The following CUBN variants were observed in gnomAD, a reference collection of about 807,000 sequenced individuals.
CUBN encodes 460 kDa receptor.
CUBN carries 282 observed loss-of-function variants against 405.3 expected under a neutral mutation model. The observed-to-expected ratio is 0.70, with a 90% CI of 0.63 to 0.77. The LOEUF is 0.77. CUBN is among the 30% of genes least tolerant of loss of function. CUBN has a pLI of 0.00. For missense variants in CUBN, 4,514 were observed against 4,475.2 expected, an observed-to-expected ratio of 1.01 and a Z score of -0.25; for synonymous variants, 1,684 against 1,617.0, an observed-to-expected ratio of 1.04 and a Z score of -0.99.
intron 14 of CUBN, among the ~76,000 whole-genome samples, chr10:17,091,322 G>A (rs780451848): frequency 1.4e-4 from 22 of 151,890 alleles, no homozygotes; most frequent in African/African-American, 3.6e-4. Context: ...TACAGATATC[G>A]AAAACAAAAC....
intron 22 of CUBN, among the ~76,000 whole-genome samples, chr10:17,053,066 G>A (rs1269151735): frequency 6.6e-6 from 1 of 151,234 alleles, no homozygotes; most frequent in Non-Finnish European, 1.5e-5. Context: ...TAGACCTAAT[G>A]TAAAAATACA....
At chr10:16,945,001 A>T (rs1276463105) in intron 36 of CUBN, among the ~76,000 whole-genome samples, 1 of 152,236 alleles carries the variant, frequency 6.6e-6, no homozygotes, top group African/African-American at 2.4e-5. Flanking sequence ...TGAAATTACT[A>T]TAAATTTGTT....
intron 6 of CUBN, chr10:17,122,513 A>G (rs1348737912): frequency 6.2e-5 from 30 of 480,134 alleles, no homozygotes; most frequent in Admixed American, 5.8e-5. Context: ...CTTTTGCACC[A>G]GGCCATGCTT....
At chr10:16,995,570 G>A (rs1833709935) in intron 28 of CUBN, among the ~76,000 whole-genome samples, 1 of 151,958 alleles carries the variant, frequency 6.6e-6, no homozygotes, top group Non-Finnish European at 1.5e-5. Flanking sequence ...CTAGGCTCAA[G>A]TGATCCACCT....
At chr10:17,038,154 CCTGTTGACT>C (rs1307209270) in intron 27 of CUBN, among the ~76,000 whole-genome samples, 5 of 152,134 alleles carry the variant, frequency 3.3e-5, no homozygotes. Flanking sequence ...ACACATGCTC[CCTGTTGACT>C]TAACAAATAC....
chr10:17,045,354 T>TC (rs1835107325), intron 24 of CUBN, among the ~76,000 whole-genome samples, 166 bp from the exon 25 acceptor site: 1 of 148,798 alleles, frequency 6.7e-6, no homozygotes, highest in Admixed American at 6.7e-5. Flanking sequence ...ATTTTTATTT[T>TC]TTTCTATTTT....
chr10:17,040,882 T>C (rs1241488641), intron 27 of CUBN, 151 bp downstream of exon 27: 1 of 686,044 alleles, frequency 1.5e-6, no homozygotes, highest in South Asian at 1.7e-5. Context: ...AAATATGAAA[T>C]ATACCTGTTC....
chr10:17,030,424 GTATTAGCAC>G (rs1834764278), intron 27 of CUBN, among the ~76,000 whole-genome samples: 1 of 152,096 alleles, frequency 6.6e-6, no homozygotes, highest in African/African-American at 2.4e-5. Flanking sequence ...TAGATAATAT[GTATTAGCAC>G]TTATTCCATG....
chr10:16,860,471 T>C (rs1234091281), intron 59 of CUBN, among the ~76,000 whole-genome samples: 1 of 152,230 alleles, frequency 6.6e-6, no homozygotes. Context: ...CCACATTATA[T>C]GGCTTCAAAA....
chr10:16,837,301 G>C (rs970231056), intron 62 of CUBN, among the ~76,000 whole-genome samples: 56 of 152,066 alleles, frequency 3.7e-4, no homozygotes, highest in African/African-American at 1.2e-3. Context: ...TGGGAAGGGT[G>C]GGGGGCCAGC....
chr10:16,911,120 A>G (rs1182292729), intron 48 of CUBN, among the ~76,000 whole-genome samples: 1 of 152,232 alleles, frequency 6.6e-6, no homozygotes, highest in Non-Finnish European at 1.5e-5. Flanking sequence ...ATGTTTTACT[A>G]CAGAAGGTAG....
At chr10:16,953,384 C>T (rs1005327062) in intron 32 of CUBN, among the ~76,000 whole-genome samples, 1 of 152,200 alleles carries the variant, frequency 6.6e-6, no homozygotes, top group Non-Finnish European at 1.5e-5. Context: ...GATCCAGGCA[C>T]TGTCCCCATC....
intron 28 of CUBN, among the ~76,000 whole-genome samples, chr10:17,007,105 G>T (rs1834046874): frequency 6.6e-6 from 1 of 152,176 alleles, no homozygotes; most frequent in Non-Finnish European, 1.5e-5. Context: ...AAGAGGCGAG[G>T]GGGTCTGTGC....
At chr10:16,875,041 G>T (rs1486581713) in intron 57 of CUBN, among the ~76,000 whole-genome samples, 1 of 152,020 alleles carries the variant, frequency 6.6e-6, no homozygotes, top group Non-Finnish European at 1.5e-5. Flanking sequence ...GGGCTCAAAT[G>T]TATAGCTCTC....
At chr10:17,066,923 C>T (rs1369830031) in intron 21 of CUBN, among the ~76,000 whole-genome samples, 1 of 152,030 alleles carries the variant, frequency 6.6e-6, no homozygotes, top group African/African-American at 2.4e-5. Flanking sequence ...TCTCAAAACA[C>T]TGGATATCAA....
intron 9 of CUBN, 100 bp from the exon 10 acceptor site, chr10:17,109,835 A>T (rs901935396): frequency 1.2e-6 from 1 of 858,790 alleles, no homozygotes; most frequent in Non-Finnish European, 2.0e-6. Flanking sequence ...CCAATCAGGG[A>T]TCCTCTATCA....
chr10:16,852,553 T>C (rs1232750389), intron 59 of CUBN, among the ~76,000 whole-genome samples: 1 of 151,462 alleles, frequency 6.6e-6, no homozygotes, highest in Non-Finnish European at 1.5e-5. Context: ...CGCTCTTTGC[T>C]TCCATAGCAG....
intron 9 of CUBN, among the ~76,000 whole-genome samples, chr10:17,110,561 T>C (rs1011742571): frequency 2.6e-5 from 4 of 152,138 alleles, no homozygotes; most frequent in African/African-American, 9.7e-5. Flanking sequence ...AGAGTCTCAC[T>C]CTGTTGCCTA....
At chr10:17,099,894 T>G in intron 14 of CUBN, 111 bp downstream of exon 14, 1 of 523,660 alleles carries the variant, frequency 1.9e-6, no homozygotes, top group Non-Finnish European at 3.4e-6. Flanking sequence ...ATAAAAATAT[T>G]ATATATCTTC....
Sources: allele counts gnomAD v4.1 joint callset (sites outside exome capture counted in the v4.1 genomes callset), GRCh38; gene constraint gnomAD v4.1.1; transcripts MANE v1.5; gene names NCBI Gene and HGNC (gene_info 2026-07-23, HGNC 2026-07-21).